Variants in ABLIM1 observed in about 807,000 individuals in gnomAD.
The protein encoded by ABLIM1 is actin binding LIM protein 1.
ABLIM1 carries 40 observed loss-of-function variants against 107.0 expected under a neutral mutation model. The observed-to-expected ratio is 0.37, with a 90% CI of 0.29 to 0.49. ABLIM1 has a LOEUF of 0.49. Among genes scored for constraint, ABLIM1 ranks in the 20% least tolerant of loss-of-function variants. The pLI, the probability that ABLIM1 is intolerant of heterozygous loss-of-function variation, is 0.97. For missense variants in ABLIM1, 857 were observed against 1,008.5 expected (o/e 0.85, Z 2.04); for synonymous variants, 357 against 357.3 (o/e 1.00, Z 0.01).
chr10:114,650,009 C>A (rs913162004), intron 1 of ABLIM1, among the ~76,000 whole-genome samples: 6 of 152,174 alleles, frequency 3.9e-5, no homozygotes, highest in Non-Finnish European at 1.5e-5. Context: ...GCGCCCACCA[C>A]CATGCCAGGC....
At chr10:114,793,566 A>G in the ABLIM1 span, among the ~76,000 whole-genome samples, 1 of 152,216 alleles carries the variant, frequency 6.6e-6, no homozygotes, top group Non-Finnish European at 1.5e-5. Context: ...ATAGTGCAGC[A>G]TAATTGACAG....
At chr10:114,549,024 C>T (rs1352293202) in intron 4 of ABLIM1, among the ~76,000 whole-genome samples, 1 of 152,236 alleles carries the variant, frequency 6.6e-6, no homozygotes, top group Non-Finnish European at 1.5e-5. Flanking sequence ...AATCGCTGAC[C>T]TGGTCCTGCT....
chr10:114,748,673 T>C (rs1365554957), intron 1 of ABLIM1, among the ~76,000 whole-genome samples: 1 of 151,006 alleles, frequency 6.6e-6, no homozygotes. Context: ...TTTTTTTTTT[T>C]AGTGATGAGG....
intron 1 of ABLIM1, among the ~76,000 whole-genome samples, chr10:114,748,399 C>T (rs1169015848): frequency 2.6e-5 from 4 of 152,096 alleles, no homozygotes; most frequent in Non-Finnish European, 4.4e-5. Flanking sequence ...TGCAAGTATG[C>T]TTCTACTGTC....
chr10:114,768,658 G>A (rs758669723), upstream of ABLIM1, among the ~76,000 whole-genome samples: 1 of 152,054 alleles, frequency 6.6e-6, no homozygotes, highest in African/African-American at 2.4e-5. Flanking sequence ...AAAGCCTATG[G>A]GCGGGGTGGG....
intron 6 of ABLIM1, among the ~76,000 whole-genome samples, chr10:114,509,116 G>A (rs772950079): frequency 6.6e-6 from 1 of 152,192 alleles, no homozygotes; most frequent in Non-Finnish European, 1.5e-5. Flanking sequence ...CAGCTCAGGA[G>A]AGCAGGAGGA....
At chr10:114,476,646 AAATAATAATAAT>A (rs141618382) in intron 8 of ABLIM1, among the ~76,000 whole-genome samples, 14 of 143,282 alleles carry the variant, frequency 9.8e-5, no homozygotes, top group African/African-American at 1.6e-4. Context: ...CTCTGCCTCA[AAATAATAATAAT>A]AATAATAATA....
intron 1 of ABLIM1, among the ~76,000 whole-genome samples, chr10:114,670,530 C>G (rs1591790944): frequency 6.6e-6 from 1 of 152,320 alleles, no homozygotes; most frequent in East Asian, 1.9e-4. Context: ...CAGGGTCTTG[C>G]TCCCTCATCC....
At chr10:114,771,239 C>T (rs773680085), upstream of ABLIM1, among the ~76,000 whole-genome samples, 2 of 152,162 alleles carry the variant, frequency 1.3e-5, no homozygotes, top group African/African-American at 4.8e-5. Context: ...TAATAATGAA[C>T]AGATCTTACT....
At chr10:114,517,617 G>A (rs975111001) in intron 6 of ABLIM1, among the ~76,000 whole-genome samples, 11 of 144,684 alleles carry the variant, frequency 7.6e-5, no homozygotes, top group African/African-American at 2.9e-4. Flanking sequence ...AGGGCGGGGA[G>A]GGGGGCCACA....
intron 1 of ABLIM1, among the ~76,000 whole-genome samples, chr10:114,677,786 T>G (rs752386316): frequency 5.3e-5 from 8 of 151,980 alleles, no homozygotes; most frequent in Non-Finnish European, 1.2e-4. Flanking sequence ...AAAATAAAAA[T>G]AAAAAAGAAA....
intron 10 of ABLIM1, among the ~76,000 whole-genome samples, chr10:114,470,960 A>C (rs7067793): frequency 0.56 from 84,529 of 152,006 alleles, 24,890 homozygotes; most frequent in African/African-American, 0.77. Flanking sequence ...TCATGGCTCA[A>C]TGCAGCCTCA....
chr10:114,683,346 G>T lies in ABLIM1; in HGVS notation c.64+944C>A, dbSNP rs533927335. Among the ~76,000 whole-genome samples the T allele has an allele frequency of 7.9e-5, 12 of 152,338 alleles. 1 individual carries two copies. Among genetic ancestry groups the T allele is most frequent in the African/African-American group, 2.2e-4 (9 of 41,586 alleles). On this transcript the variant is annotated intron_variant, in intron 1 of 23. Transcript: ENST00000369256. ...ACCACATTACTGGACTTTTAAATCAGCATAGTCTTTCAAAATCATGCTCAT... is the reference window on the plus strand; with the variant it reads ...ACCACATTACTGGACTTTTAAATCATCATAGTCTTTCAAAATCATGCTCAT...
chr10:114,754,424 T>C (rs962601377), intron 1 of ABLIM1, among the ~76,000 whole-genome samples: 2 of 152,242 alleles, frequency 1.3e-5, no homozygotes, highest in African/African-American at 4.8e-5. Flanking sequence ...ATTTGGTCCC[T>C]GGCTTCACAG....
At chr10:114,686,825 C>T (rs1232533877), upstream of ABLIM1, among the ~76,000 whole-genome samples, 4 of 151,838 alleles carry the variant, frequency 2.6e-5, no homozygotes, top group East Asian at 7.7e-4. Context: ...CAGAGTCTCC[C>T]TATATTGCCC....
At chr10:114,549,122 C>A (rs1269721315) in intron 4 of ABLIM1, among the ~76,000 whole-genome samples, 1 of 152,208 alleles carries the variant, frequency 6.6e-6, no homozygotes, top group African/African-American at 2.4e-5. Flanking sequence ...CGGTGGCACA[C>A]ACCTGTAATC....
chr10:114,753,228 T>C (rs2082556625), intron 1 of ABLIM1, among the ~76,000 whole-genome samples: 1 of 152,182 alleles, frequency 6.6e-6, no homozygotes, highest in Non-Finnish European at 1.5e-5. Context: ...CAGAGACTAC[T>C]TGGGAGCAAA....
At chr10:114,725,747 G>GTA (rs1304399408) in intron 1 of ABLIM1, among the ~76,000 whole-genome samples, 1 of 151,004 alleles carries the variant, frequency 6.6e-6, no homozygotes, top group Non-Finnish European at 1.5e-5. Flanking sequence ...GTGTGTGTGT[G>GTA]TGTGTGTGTG....
intron 1 of ABLIM1, among the ~76,000 whole-genome samples, chr10:114,679,164 A>G (rs1044031323): frequency 6.6e-6 from 1 of 152,164 alleles, no homozygotes; most frequent in African/African-American, 2.4e-5. Context: ...AGAAAGAAAG[A>G]AGGAAAGAAA....
Sources: allele counts gnomAD v4.1 joint callset (sites outside exome capture counted in the v4.1 genomes callset), GRCh38; gene constraint gnomAD v4.1.1; transcripts MANE v1.5; gene names NCBI Gene and HGNC (gene_info 2026-07-23, HGNC 2026-07-21).